Variants in GART observed in about 807,000 individuals in gnomAD.
GART encodes the protein trifunctional purine biosynthetic protein adenosine-3.
Under a neutral mutation model 107.2 loss-of-function variants are expected in GART, and 43 were observed. The observed-to-expected ratio is 0.40, with a 90% CI of 0.31 to 0.52. GART has a LOEUF of 0.52. Among genes scored for constraint, GART ranks in the 20% least tolerant of loss-of-function variants. The probability of loss-of-function intolerance (pLI) is 0.52; values close to 1 mark genes in which losing one functional copy is unlikely to be tolerated. For synonymous variants in GART, 434 were observed against 427.0 expected, an observed-to-expected ratio of 1.02 and a Z score of -0.20; for missense variants, 1,107 against 1,206.5, an observed-to-expected ratio of 0.92 and a Z score of 1.22.
At chr21:33,514,191 C>G (rs1357702988) in intron 16 of GART, among the ~76,000 whole-genome samples, 2 of 152,058 alleles carry the variant, frequency 1.3e-5, no homozygotes, top group Non-Finnish European at 2.9e-5. Flanking sequence ...TCACTTGAAC[C>G]CAGGACGTTG....
intron 14 of GART, among the ~76,000 whole-genome samples, chr21:33,519,291 T>C (rs937635714): frequency 3.3e-5 from 5 of 152,060 alleles, no homozygotes; most frequent in Admixed American, 3.3e-4. Context: ...CGGTGGCTCA[T>C]GCCTGTAATC....
chr21:33,528,552 C>A lies in GART; in HGVS notation c.864G>T (p.Glu288Asp). 8.1e-6 allele frequency: 13 copies of A among 1,608,308 alleles called. No homozygotes were observed. Among genetic ancestry groups the A allele is most frequent in the African/African-American group, 1.4e-5 (1 of 73,890 alleles). Reference protein sequence around the residue: ...MLTKNGPKVLEFNCRFGDPEC... With the variant: ...MLTKNGPKVLDFNCRFGDPEC... ...CTGGATCACCAAAACGGCAATTAAA[C>A]TCTAGAACTTTTGGGCCATTCTTGG... The change falls in exon 9 of 22, where the codon GAG becomes GAT. Residue 288 changes from glutamate to aspartate, a missense_variant. Coordinates refer to ENST00000381815, the MANE Select transcript of GART (RefSeq NM_000819.5).
intron 10 of GART, among the ~76,000 whole-genome samples, chr21:33,527,762 A>G (rs2085102296): frequency 6.6e-6 from 1 of 152,196 alleles, no homozygotes; most frequent in African/African-American, 2.4e-5. Flanking sequence ...CTGGGGGTCA[A>G]ACCACACAAA....
At chr21:33,537,475 T>A (rs2085326868) in intron 2 of GART, among the ~76,000 whole-genome samples, 1 of 152,152 alleles carries the variant, frequency 6.6e-6, no homozygotes, top group African/African-American at 2.4e-5. Flanking sequence ...TACATTCTAC[T>A]AGAGATTATA....
intron 11 of GART, 102 bp downstream of exon 11, chr21:33,524,667 G>T: frequency 6.5e-7 from 1 of 1,529,340 alleles, no homozygotes; most frequent in East Asian, 2.3e-5. Context: ...CCCACAGAGA[G>T]AAAAGAATAC....
In GART at chr21:33,524,892, A is replaced by G. The variant is rs765933406; in HGVS notation, c.1175T>C (p.Ile392Thr). The change falls in exon 11 of 22, where the codon ATC becomes ACC. Residue 392 changes from isoleucine to threonine, a missense_variant. Ile to Thr is a moderately conservative substitution (Grantham distance 89). Transcript: ENST00000381815. The part of the protein sequence containing the change: ...HGGRVLAVTA[I>T]RENLISALEE... ...AAGGGCTGATATGAGATTTTCCCGG[A>G]TGGCTGTGACTGCAAGAACTCTACC... The G allele has an allele frequency of 1.2e-6, 2 of 1,614,132 alleles. No homozygotes were observed. Among genetic ancestry groups the G allele is most frequent in the African/African-American group, 1.3e-5 (1 of 75,026 alleles).
chr21:33,520,040 C>T (rs2084942129), intron 14 of GART, among the ~76,000 whole-genome samples: 1 of 151,994 alleles, frequency 6.6e-6, no homozygotes, highest in South Asian at 2.1e-4. Flanking sequence ...GAGGAAATAA[C>T]TCCTAGACCT....
chr21:33,517,446 T>C lies in GART; in HGVS notation c.1865A>G (p.Asn622Ser), dbSNP rs573920101. Residue 622 changes from asparagine (N) to serine (S), a missense_variant, in exon 15 of 22, where the codon AAT (asparagine) becomes AGT (serine). Coordinates refer to ENST00000381815, the MANE Select transcript of GART (RefSeq NM_000819.5). ...GATTTTCCTCACAAGGCTAAATCCATTGCTATGAAGACCAGATGAAGCTAT... is the reference window on the plus strand; with the variant it reads ...GATTTTCCTCACAAGGCTAAATCCACTGCTATGAAGACCAGATGAAGCTAT... ...VGIASSGLHS[N>S]GFSLVRKIVA... 2 of 1,614,168 alleles carry C rather than the reference T, an allele frequency of 1.2e-6. No individual in the cohort carries two copies. The highest frequency in any genetic ancestry group is 2.2e-5 in the South Asian group (2 of 91,072).
chr21:33,508,220 T>C (rs2084718337), intron 18 of GART, among the ~76,000 whole-genome samples: 2 of 152,120 alleles, frequency 1.3e-5, no homozygotes, highest in Admixed American at 1.3e-4. Flanking sequence ...AGAAACAGTA[T>C]AACATTATGT....
At position 33,534,689 on chromosome 21, in the gene GART, C is replaced by T; in HGVS notation, c.306G>A (p.Gln102=). The T allele has an allele frequency of 6.2e-7, 1 of 1,613,176 alleles. No homozygotes were observed. The highest frequency in any genetic ancestry group is 8.5e-7 in the Non-Finnish European group (1 of 1,179,612). ...TGGCAAACCTTTTGCTGGACTCTAA[C>T]TGAGCCGCTTCTGCTGTTGGGCCAA... ...QCFGPTAEAA[Q]LESSKRFAKE... is the part of the protein sequence containing the mutation. Residue 102 remains glutamine, a synonymous_variant, in exon 4 of 22, where the codon CAG becomes CAA. Coordinates refer to ENST00000381815, the MANE Select transcript of GART (RefSeq NM_000819.5).
At chr21:33,525,611 A>C (rs896903034) in intron 10 of GART, among the ~76,000 whole-genome samples, 3 of 151,966 alleles carry the variant, frequency 2.0e-5, no homozygotes, top group African/African-American at 7.3e-5. Context: ...TTGTATTTTT[A>C]GTAGAGACGG....
At chr21:33,533,087 T>A (rs754952411) in intron 4 of GART, among the ~76,000 whole-genome samples, 41 of 152,234 alleles carry the variant, frequency 2.7e-4, no homozygotes, top group Non-Finnish European at 4.0e-4. Flanking sequence ...TAACACTCAT[T>A]AATTGCTCAA....
chr21:33,525,168 T>G (rs1359689692), intron 10 of GART, among the ~76,000 whole-genome samples, 168 bp from the exon 11 acceptor site: 1 of 151,642 alleles, frequency 6.6e-6, no homozygotes, highest in African/African-American at 2.4e-5. Context: ...AAGGACTGCT[T>G]GAGTCCATGA....
intron 1 of GART, among the ~76,000 whole-genome samples, chr21:33,541,233 C>G (rs1279095503): frequency 6.6e-6 from 1 of 152,204 alleles, no homozygotes; most frequent in Non-Finnish European, 1.5e-5. Flanking sequence ...CAACCTCCGC[C>G]TCCCGGGTTC....
chr21:33,520,207 G>A (rs1416075759), intron 14 of GART, among the ~76,000 whole-genome samples, 157 bp downstream of exon 14: 2 of 152,096 alleles, frequency 1.3e-5, no homozygotes, highest in African/African-American at 2.4e-5. Context: ...TTTAATTCAG[G>A]TAGTTTTACC....
At chr21:33,509,695 C>T (rs759395823) in intron 18 of GART, 88 bp downstream of exon 18, 144 of 1,389,534 alleles carry the variant, frequency 1.0e-4, no homozygotes, top group Non-Finnish European at 1.4e-4. Context: ...TAGACTCTGC[C>T]GAGAGTAACC....
At chr21:33,531,801 T>A (rs929136711) in intron 5 of GART, 1 of 434,010 alleles carries the variant, frequency 2.3e-6, no homozygotes, top group Non-Finnish European at 4.1e-6. Context: ...TCCTGAAGAT[T>A]TGGTGATCCA....
At chr21:33,533,167 CGGT>C (rs1430533854) in intron 4 of GART, among the ~76,000 whole-genome samples, 3 of 152,108 alleles carry the variant, frequency 2.0e-5, no homozygotes, top group Non-Finnish European at 4.4e-5. Context: ...TGGCCAGGCG[CGGT>C]GGCTCACGCC....
intron 15 of GART, 93 bp downstream of exon 15, chr21:33,517,264 T>C (rs1391823956): frequency 1.9e-6 from 3 of 1,568,298 alleles, no homozygotes; most frequent in Admixed American, 3.5e-5. Flanking sequence ...AGGTAATTCA[T>C]TCCCTTTTAG....
Sources: gnomAD v4.1 joint callset for allele counts (sites outside exome capture counted in the v4.1 genomes callset) on GRCh38, gnomAD v4.1.1 for gene constraint, MANE v1.5 for transcripts, NCBI Gene and HGNC (gene_info 2026-07-23, HGNC 2026-07-21) for gene names.